Variants in ADAMTS16 observed in about 807,000 individuals in gnomAD.
ADAMTS16 encodes the protein A disintegrin and metalloproteinase with thrombospondin motifs 16.
ADAMTS16 carries 94 observed loss-of-function variants against 145.8 expected under a neutral mutation model. The ratio of observed to expected loss-of-function variants is 0.64; its 90% CI spans 0.55 to 0.77. The LOEUF (loss-of-function observed/expected upper bound fraction) is 0.77. Among genes scored for constraint, ADAMTS16 ranks in the 30% least tolerant of loss-of-function variants. The probability of loss-of-function intolerance (pLI) is 0.00; values close to 1 mark genes in which losing one functional copy is unlikely to be tolerated. For missense variants in ADAMTS16, 1,585 were observed against 1,591.5 expected (o/e 1.00, Z 0.07); for synonymous variants, 659 against 604.3 (o/e 1.09, Z -1.33).
intron 5 of ADAMTS16, among the ~76,000 whole-genome samples, chr5:5,187,008 A>G (rs1368921855): frequency 6.6e-6 from 1 of 152,198 alleles, no homozygotes; most frequent in Non-Finnish European, 1.5e-5. Flanking sequence ...CTGAACCACT[A>G]GATTTCTGGG....
intron 11 of ADAMTS16, 90 bp from the exon 12 acceptor site, chr5:5,232,278 C>A: frequency 6.7e-7 from 1 of 1,486,464 alleles, no homozygotes; most frequent in Middle Eastern, 1.7e-4. Flanking sequence ...TTACAAAATT[C>A]CCCACTGCTC....
chr5:5,173,870 C>CT lies in ADAMTS16; in HGVS notation c.502-8169dup, dbSNP rs886894479. On this transcript the variant is annotated intron_variant, in intron 3 of 22. Coordinates refer to ENST00000274181, the MANE Select transcript of ADAMTS16 (RefSeq NM_139056.4). The stretch of plus-strand genomic sequence containing the variant: ...TTAACTTTGTCCTCCAGCATTTTAA[C>CT]TTTTTGTTGTTTTTACTTGTATTTT... Among the ~76,000 whole-genome samples the CT allele has an allele frequency of 4.8e-4, 73 of 152,242 alleles. 1 individual carries two copies. Among genetic ancestry groups the CT allele is most frequent in the Non-Finnish European group, 6.9e-4 (47 of 68,010 alleles).
intron 17 of ADAMTS16, among the ~76,000 whole-genome samples, chr5:5,243,743 TG>T (rs1737361736): frequency 6.6e-6 from 1 of 152,242 alleles, no homozygotes; most frequent in African/African-American, 2.4e-5. Context: ...GGCCAGTCGA[TG>T]ATTCTGTTTC....
At chr5:5,218,680 C>T (rs766094529) in intron 10 of ADAMTS16, among the ~76,000 whole-genome samples, 2 of 152,164 alleles carry the variant, frequency 1.3e-5, no homozygotes, top group Non-Finnish European at 2.9e-5. Context: ...AAGATGAGTG[C>T]GAGGTTTTAT....
intron 18 of ADAMTS16, among the ~76,000 whole-genome samples, chr5:5,295,463 C>A (rs1336202194): frequency 6.6e-6 from 1 of 152,190 alleles, no homozygotes; most frequent in Non-Finnish European, 1.5e-5. Context: ...GATTGGAGGA[C>A]AGATTCAGCC....
chr5:5,146,217 C>T lies in ADAMTS16; in HGVS notation c.263C>T (p.Ala88Val), dbSNP rs758119634. Residue 88 changes from alanine (A) to valine (V), a missense_variant, in exon 3 of 23, where the codon GCA becomes GTA. By Grantham distance (64) the Ala-to-Val change is moderately conservative (BLOSUM62 0). Coordinates refer to ENST00000274181, the MANE Select transcript of ADAMTS16 (RefSeq NM_139056.4). ...EIMHHQRRRR[A>V]VPVSEVESLH... ...ATGCACCATCAGCGGCGGAGAAGAG[C>T]AGTGCCCGTGTCCGAGGTTGAGTCT... 14 of 1,614,180 alleles carry T rather than the reference C, an allele frequency of 8.7e-6. No individual in the cohort carries two copies. Among genetic ancestry groups the T allele is most frequent in the Non-Finnish European group, 1.2e-5 (14 of 1,180,020 alleles).
At chr5:5,155,597 C>T (rs1350273453) in intron 3 of ADAMTS16, among the ~76,000 whole-genome samples, 1 of 152,144 alleles carries the variant, frequency 6.6e-6, no homozygotes, top group Non-Finnish European at 1.5e-5. Flanking sequence ...GGCCTCAAAT[C>T]CCTTAGTAGT....
intron 12 of ADAMTS16, among the ~76,000 whole-genome samples, chr5:5,233,508 C>T (rs562075740): frequency 6.6e-6 from 1 of 152,292 alleles, no homozygotes; most frequent in Non-Finnish European, 1.5e-5. Context: ...CACCTTCCAA[C>T]AGGCCACAGT....
intron 3 of ADAMTS16, among the ~76,000 whole-genome samples, chr5:5,174,687 A>G (rs934916907): frequency 1.3e-5 from 2 of 152,162 alleles, no homozygotes; most frequent in Non-Finnish European, 2.9e-5. Context: ...CCTGTCTTCA[A>G]GCTCATTAAC....
chr5:5,271,709 A>C (rs1738480635), intron 18 of ADAMTS16, among the ~76,000 whole-genome samples: 1 of 152,220 alleles, frequency 6.6e-6, no homozygotes, highest in Non-Finnish European at 1.5e-5. Context: ...AATGCTTTCC[A>C]GATGGTAAAT....
chr5:5,157,732 C>G (rs1236357603), intron 3 of ADAMTS16, among the ~76,000 whole-genome samples: 1 of 152,106 alleles, frequency 6.6e-6, no homozygotes, highest in African/African-American at 2.4e-5. Flanking sequence ...CTGTATGAGT[C>G]TTTTCTTCTT....
chr5:5,314,509 G>C (rs137881292), intron 21 of ADAMTS16, among the ~76,000 whole-genome samples: 3 of 152,150 alleles, frequency 2.0e-5, no homozygotes, highest in Non-Finnish European at 4.4e-5. Context: ...GAACAACTTG[G>C]ATTTTTTTCT....
chr5:5,286,857 C>CAAAA (rs1158555676), intron 18 of ADAMTS16, among the ~76,000 whole-genome samples: 13 of 22,106 alleles, frequency 5.9e-4, no homozygotes, highest in African/African-American at 1.1e-3. Context: ...GACTCCGTCT[C>CAAAA]AAAAAAAAAA....
chr5:5,168,742 A>T (rs914923944), intron 3 of ADAMTS16, among the ~76,000 whole-genome samples: 2 of 137,666 alleles, frequency 1.5e-5, no homozygotes, highest in African/African-American at 5.4e-5. Flanking sequence ...AATTATATAA[A>T]ATATAATTAT....
chr5:5,182,237 C>A lies in ADAMTS16; in HGVS notation c.695C>A (p.Pro232His). The change falls in exon 4 of 23, where the codon CCC becomes CAC. Residue 232 changes from proline (P) to histidine (H), a missense_variant. This residue lies in a region of ADAMTS16 where 453 missense variants were observed against 412.1 expected (regional missense o/e 1.10). Coordinates refer to ENST00000274181, the MANE Select transcript of ADAMTS16 (RefSeq NM_139056.4). ...AGGACATGGGAGCTGGCACATCAAC[C>A]CCTGCACAGCAGCGACCTTCGCCTG... ...TSRTWELAHQPLHSSDLRLGL... is the reference protein window; with the variant it reads ...TSRTWELAHQHLHSSDLRLGL... 6 of 1,614,146 alleles carry A rather than the reference C, an allele frequency of 3.7e-6. No individual in the cohort carries two copies. Among genetic ancestry groups the A allele is most frequent in the South Asian group, 1.1e-5 (1 of 91,084 alleles).
At position 5,242,198 on chromosome 5, in the gene ADAMTS16, G is replaced by T. The variant is rs754226999; in HGVS notation, c.2662+7G>T. Reference sequence around the variant, plus strand: ...TCCGTGTCCTGCGGAGGGGGTAGGTGCCTTCCAGTGCTGCTCCTGGAGGCA... The same window carrying T: ...TCCGTGTCCTGCGGAGGGGGTAGGTTCCTTCCAGTGCTGCTCCTGGAGGCA... On this transcript the variant is annotated splice_region_variant and intron_variant, in intron 17 of 22. Coordinates refer to ENST00000274181, the MANE Select transcript of ADAMTS16 (RefSeq NM_139056.4). The T allele has an allele frequency of 1.2e-6, 2 of 1,613,020 alleles. No homozygotes were observed. Among genetic ancestry groups the T allele is most frequent in the South Asian group, 2.2e-5 (2 of 91,026 alleles).
intron 18 of ADAMTS16, among the ~76,000 whole-genome samples, chr5:5,302,943 TTA>T (rs1739848970): frequency 6.8e-6 from 1 of 147,680 alleles, no homozygotes; most frequent in Non-Finnish European, 1.5e-5. Flanking sequence ...GTTTTATTTT[TTA>T]TATGTTTGAA....
At chr5:5,236,300 C>CT (rs370379664) in intron 13 of ADAMTS16, among the ~76,000 whole-genome samples, 2 of 108,652 alleles carry the variant, frequency 1.8e-5, no homozygotes, top group Non-Finnish European at 4.2e-5. Flanking sequence ...TTGTCCCTCC[C>CT]CTTTTTTTTT....
At chr5:5,242,733 A>C (rs16875123) in intron 17 of ADAMTS16, among the ~76,000 whole-genome samples, 4,304 of 152,328 alleles carry the variant, frequency 0.028, 199 homozygotes, top group East Asian at 0.21. Context: ...ATGTCAATTG[A>C]GTGCCTTGTC....
Sources: gnomAD v4.1 joint callset for allele counts (sites outside exome capture counted in the v4.1 genomes callset) on GRCh38, gnomAD v4.1.1 for gene constraint, gnomAD v4.1.1 regional missense constraint, MANE v1.5 for transcripts, NCBI Gene and HGNC (gene_info 2026-07-23, HGNC 2026-07-21) for gene names.